ADAMTS9: variants seen among roughly 807,000 people sequenced by gnomAD.
ADAMTS9 encodes the protein A disintegrin and metalloproteinase with thrombospondin motifs 9.
ADAMTS9 carries 107 observed loss-of-function variants against 257.1 expected under a neutral mutation model. The ratio of observed to expected loss-of-function variants is 0.42; its 90% CI spans 0.36 to 0.49. ADAMTS9 has a LOEUF of 0.49. ADAMTS9 is among the 20% of genes least tolerant of loss of function. The pLI is 0.03. For missense variants in ADAMTS9, 2,353 were observed against 2,469.1 expected, an observed-to-expected ratio of 0.95 and a Z score of 1.00; for synonymous variants, 982 against 880.9, an observed-to-expected ratio of 1.11 and a Z score of -2.03.
In ADAMTS9 at chr3:64,568,489, C is replaced by T. The variant is rs1559768498; in HGVS notation, c.4403G>A (p.Cys1468Tyr). Reference protein sequence around the residue: ...GRGHKQRNVYCMAKDGSHLES... With the variant: ...GRGHKQRNVYYMAKDGSHLES... Reference sequence around the variant, plus strand: ...TAAATGGCTTCCATCTTTTGCCATGCAGTAAACATTTCGTTGTTTATGCCC... The same window carrying T: ...TAAATGGCTTCCATCTTTTGCCATGTAGTAAACATTTCGTTGTTTATGCCC... Residue 1468 changes from cysteine (C) to tyrosine (Y), a missense_variant, in exon 29 of 40, where the codon TGC (cysteine) becomes TAC (tyrosine). By Grantham distance (194) the Cys-to-Tyr change is radical. This residue lies in a region of ADAMTS9 where 1,402 missense variants were observed against 1,441.4 expected (regional missense o/e 0.97). Coordinates refer to ENST00000498707, the MANE Select transcript of ADAMTS9 (RefSeq NM_182920.2). 1 of 1,613,986 alleles carries T rather than the reference C, an allele frequency of 6.2e-7. No homozygotes were observed. The highest frequency in any genetic ancestry group is 1.3e-5 in the African/African-American group (1 of 74,928).
In ADAMTS9 at chr3:64,550,876, G is replaced by C; in HGVS notation, c.4869+16C>G. ...CATGGCTGAGCTGACGATGGTTACA[G>C]TTCCCAGGACGGTACCTCTGACCAT... On this transcript the variant is annotated intron_variant, in intron 31 of 39. Transcript: ENST00000498707. 1 of 1,613,638 alleles carries C rather than the reference G, an allele frequency of 6.2e-7. No homozygotes were observed. Among genetic ancestry groups the C allele is most frequent in the East Asian group, 2.2e-5 (1 of 44,818 alleles).
chr3:64,637,328 TA>T (rs1246641871), intron 12 of ADAMTS9, among the ~76,000 whole-genome samples: 1 of 152,182 alleles, frequency 6.6e-6, no homozygotes, highest in Non-Finnish European at 1.5e-5. Context: ...AACATAGCTT[TA>T]AAAAATAGTA....
intron 6 of ADAMTS9, 104 bp downstream of exon 6, chr3:64,655,472 A>G: frequency 1.1e-6 from 1 of 939,720 alleles, no homozygotes; most frequent in South Asian, 1.5e-5. Flanking sequence ...ACAGTGCCTA[A>G]GCTGAGAAAC....
chr3:64,615,012 T>A (rs534624250), intron 21 of ADAMTS9: 1 of 251,048 alleles, frequency 4.0e-6, no homozygotes, highest in South Asian at 1.3e-4. Context: ...CATGATTTCC[T>A]TTCAGTGACT....
chr3:64,658,648 T>A lies in ADAMTS9; in HGVS notation c.823A>T (p.Asn275Tyr). The A allele has an allele frequency of 6.2e-7, 1 of 1,614,110 alleles. No individual in the cohort carries two copies. Among genetic ancestry groups the A allele is most frequent in the East Asian group, 2.2e-5 (1 of 44,858 alleles). The part of the protein sequence containing the change: ...AFSAYGNKTD[N>Y]TREKRTHRRT... ...CTGTGGGTCCTCTTTTCTCTTGTGTTGTCCGTCTTATTACCATAAGCAGAA... is the reference window on the plus strand; with the variant it reads ...CTGTGGGTCCTCTTTTCTCTTGTGTAGTCCGTCTTATTACCATAAGCAGAA... The change falls in exon 4 of 40, where the codon AAC (asparagine) becomes TAC (tyrosine). Residue 275 changes from asparagine to tyrosine, a missense_variant. This residue lies in a region of ADAMTS9 where 591 missense variants were observed against 569.6 expected (regional missense o/e 1.04). Transcript: ENST00000498707.
chr3:64,667,753 G>C (rs1419729319), intron 3 of ADAMTS9, among the ~76,000 whole-genome samples: 1 of 152,140 alleles, frequency 6.6e-6, no homozygotes, highest in African/African-American at 2.4e-5. Flanking sequence ...GCCAACGTTT[G>C]TTGAGTTGCT....
chr3:64,555,053 T>C (rs1347938587), intron 30 of ADAMTS9, among the ~76,000 whole-genome samples: 1 of 152,146 alleles, frequency 6.6e-6, no homozygotes, highest in African/African-American at 2.4e-5. Context: ...CCTTTTAAGG[T>C]TGTTGATTTT....
At chr3:64,537,051 T>C (rs1449812138) in intron 37 of ADAMTS9, among the ~76,000 whole-genome samples, 1 of 152,216 alleles carries the variant, frequency 6.6e-6, no homozygotes, top group Non-Finnish European at 1.5e-5. Context: ...CCTGGAAAAC[T>C]GATTTGAAAA....
chr3:64,533,252 G>A lies in ADAMTS9; in HGVS notation c.5632C>T (p.Leu1878Phe), dbSNP rs762184284. ...GTTAAAGACAAGCCGGTTCCATAAA[G>A]GTTGATGCTAAAACGACCCTGGAAA... is the stretch of plus-strand genomic sequence containing the variant. ...KCPQGRFSIN[L>F]YGTGLSLTES... Residue 1878 changes from leucine to phenylalanine, a missense_variant, in exon 38 of 40, where the codon CTT becomes TTT. Transcript: ENST00000498707. 4 of 1,613,916 alleles carry A rather than the reference G, an allele frequency of 2.5e-6. No homozygotes were observed. The highest frequency in any genetic ancestry group is 1.3e-5 in the African/African-American group (1 of 74,908).
intron 3 of ADAMTS9, among the ~76,000 whole-genome samples, chr3:64,680,508 A>C (rs1436842643): frequency 3.3e-5 from 5 of 152,218 alleles, no homozygotes; most frequent in Non-Finnish European, 7.3e-5. Context: ...GAAGAAACAC[A>C]GACAGAAGCT....
chr3:64,540,597 A>C (rs2083108155), intron 36 of ADAMTS9, among the ~76,000 whole-genome samples: 1 of 152,082 alleles, frequency 6.6e-6, no homozygotes, highest in Non-Finnish European at 1.5e-5. Context: ...TTGCCCATGA[A>C]TTTCTTGGCT....
In ADAMTS9 at chr3:64,594,493, C is replaced by T. The variant is rs13320542; in HGVS notation, c.4180-59G>A. ...TGTCTGAAAGGCCAATGACAAATTTCCTTTCTCCCTAATTTCTTAGCCAAA... is the reference window on the plus strand; with the variant it reads ...TGTCTGAAAGGCCAATGACAAATTTTCTTTCTCCCTAATTTCTTAGCCAAA... On this transcript the variant is annotated intron_variant, in intron 27 of 39. Transcript: ENST00000498707. 458,601 of 1,578,578 alleles carry T rather than the reference C, an allele frequency of 0.29. 83,888 individuals are homozygous for T. The highest frequency in any genetic ancestry group is 0.77 in the East Asian group (34,107 of 44,380).
chr3:64,670,808 CT>C (rs1323257099), intron 3 of ADAMTS9, among the ~76,000 whole-genome samples: 3 of 152,086 alleles, frequency 2.0e-5, no homozygotes, highest in African/African-American at 4.8e-5. Context: ...CAAATGAAAA[CT>C]ACAATGAAAT....
chr3:64,523,944 T>C (rs1185415371), intron 38 of ADAMTS9, among the ~76,000 whole-genome samples: 2 of 152,144 alleles, frequency 1.3e-5, no homozygotes, highest in African/African-American at 2.4e-5. Flanking sequence ...TGCTTCAGAG[T>C]TGATCATGTT....
rs191267917 is a variant in ADAMTS9, at chr3:64,656,999, G to A, written c.970-1124C>T. Reference sequence around the variant, plus strand: ...ATGCTACGGCTGAAAATGAGAAAGAGGAAGTCTATACGGGCTTTTCTGGAC... The same window carrying A: ...ATGCTACGGCTGAAAATGAGAAAGAAGAAGTCTATACGGGCTTTTCTGGAC... On this transcript the variant is annotated intron_variant, in intron 4 of 39. Transcript: ENST00000498707. Among the ~76,000 whole-genome samples the A allele has an allele frequency of 5.2e-4, 79 of 152,288 alleles. No individual in the cohort carries two copies. In the East Asian group the frequency reaches 0.011, roughly 20 times the overall value.
In ADAMTS9 at chr3:64,526,730, C is replaced by G. The variant is rs528081347; in HGVS notation, c.5719-4470G>C. Among the ~76,000 whole-genome samples the G allele has an allele frequency of 9.2e-5, 14 of 152,316 alleles. No homozygotes were observed. In the East Asian group the frequency reaches 2.7e-3, roughly 29 times the overall value. On this transcript the variant is annotated intron_variant, in intron 38 of 39. Transcript: ENST00000498707. ...CTACATCTTGAACAACCTCTTTACGCCTCAGTTCCTGGTACATCTGTAAAA... is the reference window on the plus strand; with the variant it reads ...CTACATCTTGAACAACCTCTTTACGGCTCAGTTCCTGGTACATCTGTAAAA...
intron 11 of ADAMTS9, among the ~76,000 whole-genome samples, chr3:64,643,882 G>C (rs1576154343): frequency 1.3e-5 from 2 of 152,046 alleles, no homozygotes; most frequent in Admixed American, 1.3e-4. Context: ...GCCACACGTG[G>C]CTGGTGGCCA....
chr3:64,670,946 A>G (rs945407626), intron 3 of ADAMTS9, among the ~76,000 whole-genome samples: 6 of 152,228 alleles, frequency 3.9e-5, no homozygotes, highest in Non-Finnish European at 8.8e-5. Context: ...AGGTGGAGCT[A>G]CAAAATGGCA....
chr3:64,660,233 AT>A (rs1701191086), intron 3 of ADAMTS9, among the ~76,000 whole-genome samples: 1 of 152,222 alleles, frequency 6.6e-6, no homozygotes, highest in African/African-American at 2.4e-5. Flanking sequence ...AAGGAATAGA[AT>A]TTGTTACATC....
Sources: allele counts gnomAD v4.1 joint callset (sites outside exome capture counted in the v4.1 genomes callset), GRCh38; gene constraint gnomAD v4.1.1; regional missense constraint gnomAD v4.1.1; transcripts MANE v1.5; gene names NCBI Gene and HGNC (gene_info 2026-07-23, HGNC 2026-07-21).